THSD7A: variants seen among roughly 807,000 people sequenced by gnomAD.
THSD7A encodes the protein thrombospondin type 1 domain containing 7A, also known as thrombospondin type-1 domain-containing protein 7A.
In THSD7A, 96 loss-of-function variants were observed where a neutral mutation model predicts 231.3. The observed-to-expected ratio is 0.41, with a 90% CI of 0.35 to 0.49. The LOEUF (loss-of-function observed/expected upper bound fraction) is 0.49, where lower values mean the gene tolerates loss of function less well. Among genes scored for constraint, THSD7A ranks in the 20% least tolerant of loss-of-function variants. The pLI, the probability that THSD7A is intolerant of heterozygous loss-of-function variation, is 0.05. For missense variants in THSD7A, 2,290 were observed against 2,070.2 expected (o/e 1.11, Z -2.06); for synonymous variants, 940 against 743.3 (o/e 1.26, Z -4.30).
intron 1 of THSD7A, among the ~76,000 whole-genome samples, chr7:11,809,681 C>A (rs1270535238): frequency 6.6e-6 from 1 of 152,072 alleles, no homozygotes; most frequent in East Asian, 1.9e-4. Flanking sequence ...TTTCTAAACT[C>A]AAAGGAATTA....
intron 1 of THSD7A, among the ~76,000 whole-genome samples, chr7:11,785,269 G>C (rs890951289): frequency 6.6e-6 from 1 of 151,908 alleles, no homozygotes; most frequent in African/African-American, 2.4e-5. Context: ...TATTGCCCAA[G>C]TTGGAGTGCA....
At chr7:11,777,723 C>T (rs1018929876) in intron 1 of THSD7A, among the ~76,000 whole-genome samples, 3 of 152,148 alleles carry the variant, frequency 2.0e-5, no homozygotes, top group African/African-American at 4.8e-5. Context: ...GATTCAGCAA[C>T]TCCATATTAA....
chr7:11,483,242 A>G (rs1019658896), intron 6 of THSD7A, among the ~76,000 whole-genome samples: 1 of 152,220 alleles, frequency 6.6e-6, no homozygotes, highest in African/African-American at 2.4e-5. Context: ...TTTAAAAACA[A>G]GACAGAAAAT....
chr7:11,761,538 G>T (rs1378217832), intron 1 of THSD7A, among the ~76,000 whole-genome samples: 1 of 151,902 alleles, frequency 6.6e-6, no homozygotes, highest in Non-Finnish European at 1.5e-5. Flanking sequence ...TGCATACATT[G>T]TGTGTGTATA....
At chr7:11,400,450 T>C (rs1051090627) in intron 23 of THSD7A, among the ~76,000 whole-genome samples, 1 of 151,880 alleles carries the variant, frequency 6.6e-6, no homozygotes, top group African/African-American at 2.4e-5. Context: ...TGCTGGATAA[T>C]GCTTTAGAGG....
Position 11,406,625 on chromosome 7 carries a change from C to T in THSD7A, c.4063-151G>A, listed in dbSNP as rs1783591861. Among the ~76,000 whole-genome samples, 1 of 152,142 alleles carries T rather than the reference C, an allele frequency of 6.6e-6. No individual in the cohort carries two copies. The highest frequency in any genetic ancestry group is 2.4e-5 in the African/African-American group (1 of 41,418). On this transcript the variant is annotated intron_variant, in intron 21 of 27. Coordinates refer to ENST00000423059, the MANE Select transcript of THSD7A (RefSeq NM_015204.3). This position sits in a 1 kb window ranked among gnomAD's most constrained non-coding sequence, Gnocchi z 4.7. ...GGGAAGAAGCCCTATAGGGCACTAGCAATAAAGCATACATTGAACAATTTG... is the reference window on the plus strand; with the variant it reads ...GGGAAGAAGCCCTATAGGGCACTAGTAATAAAGCATACATTGAACAATTTG...
At chr7:11,617,064 T>C (rs1357949861) in intron 2 of THSD7A, among the ~76,000 whole-genome samples, 1 of 152,218 alleles carries the variant, frequency 6.6e-6, no homozygotes, top group Non-Finnish European at 1.5e-5. Flanking sequence ...CTGTAAGTTG[T>C]ATACACAAAT....
chr7:11,825,021 T>TA (rs1784984125), intron 1 of THSD7A, among the ~76,000 whole-genome samples: 1 of 151,996 alleles, frequency 6.6e-6, no homozygotes, highest in Non-Finnish European at 1.5e-5. Flanking sequence ...GCCAAACTAA[T>TA]AAAAAATATG....
At chr7:11,785,279 A>C (rs1190041347) in intron 1 of THSD7A, among the ~76,000 whole-genome samples, 1 of 152,032 alleles carries the variant, frequency 6.6e-6, no homozygotes, top group Admixed American at 6.6e-5. Context: ...GTTGGAGTGC[A>C]GTGCTATTAT....
intron 4 of THSD7A, among the ~76,000 whole-genome samples, chr7:11,552,042 A>G (rs1789650142): frequency 6.6e-6 from 1 of 152,142 alleles, no homozygotes; most frequent in South Asian, 2.1e-4. Context: ...GGAGGCCATT[A>G]TCCTTATTCA....
chr7:11,763,588 A>G (rs888189848), intron 1 of THSD7A, among the ~76,000 whole-genome samples: 2 of 152,206 alleles, frequency 1.3e-5, no homozygotes, highest in African/African-American at 4.8e-5. Context: ...TAAAACAATC[A>G]ACTCAAAAAA....
intron 2 of THSD7A, among the ~76,000 whole-genome samples, chr7:11,629,131 T>G (rs1001668481): frequency 6.6e-6 from 1 of 152,134 alleles, no homozygotes; most frequent in Non-Finnish European, 1.5e-5. Context: ...CACCATCTGA[T>G]ATACTGCTGC....
intron 1 of THSD7A, among the ~76,000 whole-genome samples, chr7:11,799,669 G>T (rs1449762585): frequency 6.6e-6 from 1 of 152,144 alleles, no homozygotes; most frequent in African/African-American, 2.4e-5. Context: ...GACAGCAAAA[G>T]AAATAAGCAT....
At chr7:11,481,762 G>A (rs1722143053) in intron 7 of THSD7A, 26 bp downstream of exon 7, 1 of 1,566,854 alleles carries the variant, frequency 6.4e-7, no homozygotes, top group Non-Finnish European at 8.7e-7. Context: ...AACGAACCTA[G>A]ATGGCGTCTG....
At chr7:11,402,361 A>T (rs1783435888) in intron 22 of THSD7A, among the ~76,000 whole-genome samples, 1 of 152,208 alleles carries the variant, frequency 6.6e-6, no homozygotes, top group Non-Finnish European at 1.5e-5. Flanking sequence ...TATAAACAGA[A>T]TTAGTCTTCT....
In THSD7A at chr7:11,831,866, C is replaced by A; in HGVS notation, c.81G>T (p.Pro27=). 7.7e-7 allele frequency: 1 copy of A among 1,297,714 alleles called. No homozygotes were observed. The allele number at this position is 1,297,714 out of a possible 1,614,324, so 80.4% of individuals were successfully genotyped here. A position where few individuals can be genotyped will look rare whatever the true frequency, so the allele number is the denominator to read the frequency against. The change falls in exon 1 of 28, where the codon CCG becomes CCT. Residue 27 remains proline, a synonymous_variant. Transcript: ENST00000423059. The surrounding 1 kb of genome is among the most constrained non-coding windows in gnomAD (Gnocchi z 5.0). ...GGAGCAGCGGCAGCGGCAGCGGCAG[C>A]GGCAGCAGCTGCAGGACGCCCCGGC... ...GPRRGVLQLL[P]LPLPLPLLLL...
At chr7:11,513,073 T>C (rs1370514134) in intron 6 of THSD7A, among the ~76,000 whole-genome samples, 2 of 151,308 alleles carry the variant, frequency 1.3e-5, no homozygotes, top group Non-Finnish European at 1.5e-5. Flanking sequence ...AAACCAAATG[T>C]TGTGTATTCT....
chr7:11,508,613 G>C (rs1263267071), intron 6 of THSD7A, among the ~76,000 whole-genome samples: 1 of 152,144 alleles, frequency 6.6e-6, no homozygotes, highest in Non-Finnish European at 1.5e-5. Flanking sequence ...CCAAAAAGCA[G>C]AAATCAGGAT....
Position 11,474,546 on chromosome 7 carries a change from G to T in THSD7A, c.2040C>A (p.Ser680Arg). Residue 680 changes from serine to arginine, a missense_variant, in exon 8 of 28, where the codon AGC becomes AGA. Ser to Arg is a moderately radical substitution (Grantham distance 110, BLOSUM62 -1). Coordinates refer to ENST00000423059, the MANE Select transcript of THSD7A (RefSeq NM_015204.3). This position sits in a 1 kb window ranked among gnomAD's most constrained non-coding sequence, Gnocchi z 4.1. Reference protein sequence around the residue: ...GEEGGIRCPNSSALQEVRSCN... With the variant: ...GEEGGIRCPNRSALQEVRSCN... ...AGCTTCGTACTTCTTGCAAAGCACT[G>T]CTATTTGGACAGCGAATTCCACCTA... The T allele has an allele frequency of 6.3e-7, 1 of 1,599,146 alleles. No homozygotes were observed. The highest frequency in any genetic ancestry group is 8.6e-7 in the Non-Finnish European group (1 of 1,169,132).
Sources: allele counts gnomAD v4.1 joint callset (sites outside exome capture counted in the v4.1 genomes callset), GRCh38; gene constraint gnomAD v4.1.1; non-coding constraint Gnocchi (gnomAD v3.1); transcripts MANE v1.5; gene names NCBI Gene and HGNC (gene_info 2026-07-23, HGNC 2026-07-21).